The following C17orf67 variants were observed in gnomAD, a reference collection of about 807,000 sequenced individuals.
C17orf67 encodes chromosome 17 open reading frame 67, also known as uncharacterized protein C17orf67.
C17orf67 carries 12 observed loss-of-function variants against 11.2 expected under a neutral mutation model. That is an observed-to-expected ratio of 1.07 (90% CI 0.68 to 1.73). The LOEUF is 1.73. Among genes scored for constraint, C17orf67 ranks in the 40% most tolerant of loss-of-function variants. The probability of loss-of-function intolerance (pLI) is 0.00; values close to 1 mark genes in which losing one functional copy is unlikely to be tolerated. For synonymous variants in C17orf67, 59 were observed against 46.9 expected, an observed-to-expected ratio of 1.26 and a Z score of -1.05; for missense variants, 115 against 113.5, an observed-to-expected ratio of 1.01 and a Z score of -0.06.
chr17:56,817,851 A>G (rs1362400457), intron 4 of C17orf67, among the ~76,000 whole-genome samples: 1 of 85,344 alleles, frequency 1.2e-5, no homozygotes. Flanking sequence ...AAGGAATTTT[A>G]GAGCATTTTT....
intron 7 of C17orf67, among the ~76,000 whole-genome samples, chr17:56,793,669 A>C (rs1905158785): frequency 1.3e-5 from 2 of 152,366 alleles, no homozygotes; most frequent in Non-Finnish European, 1.5e-5. Flanking sequence ...ACAGAGCTGG[A>C]AATCAGAAAG....
intron 6 of C17orf67, among the ~76,000 whole-genome samples, chr17:56,809,722 C>T (rs577153408): frequency 1.4e-5 from 2 of 146,538 alleles, no homozygotes; most frequent in African/African-American, 5.1e-5. Context: ...CTCACACATA[C>T]ACCCTCACAC....
At chr17:56,805,885 T>C (rs576336488) in intron 6 of C17orf67, among the ~76,000 whole-genome samples, 1 of 152,092 alleles carries the variant, frequency 6.6e-6, no homozygotes, top group Non-Finnish European at 1.5e-5. Flanking sequence ...TAGATACTTT[T>C]TTTAAATATA....
chr17:56,823,061 T>C (rs1399241843), intron 4 of C17orf67, among the ~76,000 whole-genome samples: 1 of 152,212 alleles, frequency 6.6e-6, no homozygotes, highest in Admixed American at 6.5e-5. Flanking sequence ...AAAGGAGCAT[T>C]GGCACAGGCA....
At chr17:56,802,831 G>GTT in intron 6 of C17orf67, among the ~76,000 whole-genome samples, 1 of 152,348 alleles carries the variant, frequency 6.6e-6, no homozygotes, top group African/African-American at 2.4e-5. Flanking sequence ...CAAAGCGTGA[G>GTT]CTGTGCTCCC....
At chr17:56,818,020 A>G (rs1252179554) in intron 4 of C17orf67, among the ~76,000 whole-genome samples, 3 of 151,008 alleles carry the variant, frequency 2.0e-5, no homozygotes, top group African/African-American at 7.3e-5. Flanking sequence ...ATTTTTGTAT[A>G]TTTTTGTAGA....
chr17:56,796,093 G>A (rs897381918), intron 6 of C17orf67, among the ~76,000 whole-genome samples: 1 of 152,158 alleles, frequency 6.6e-6, no homozygotes, highest in Non-Finnish European at 1.5e-5. Context: ...AATGTTACTA[G>A]AAATAGAGAA....
At chr17:56,828,206 G>T (rs1906093926) in intron 2 of C17orf67, among the ~76,000 whole-genome samples, 1 of 151,580 alleles carries the variant, frequency 6.6e-6, no homozygotes, top group South Asian at 2.1e-4. Context: ...GGGAGTTCTA[G>T]ACCAGCCTGA....
Position 56,833,236 on chromosome 17 carries a change from C to G in C17orf67, c.-895G>C, listed in dbSNP as rs1241719108. 6.5e-6 allele frequency: 1 copy of G among 153,798 alleles called. No individual in the cohort carries two copies. The highest frequency in any genetic ancestry group is 1.5e-5 in the Non-Finnish European group (1 of 68,654). The allele number at this position is 153,798 out of a possible 1,614,324, so 9.5% of individuals were successfully genotyped here. On this transcript the variant is annotated 5_prime_UTR_variant, in exon 2 of 8. Coordinates refer to ENST00000397861, the MANE Select transcript of C17orf67 (RefSeq NM_001085430.4). Reference sequence around the variant, plus strand: ...AGCGGTGCTTCCGCGTCCGCGTTCTCCGGGTAGCTGATGTGCTGCAGGCTG... The same window carrying G: ...AGCGGTGCTTCCGCGTCCGCGTTCTGCGGGTAGCTGATGTGCTGCAGGCTG...
chr17:56,802,426 TG>T (rs1199166696), intron 6 of C17orf67, among the ~76,000 whole-genome samples: 1 of 152,232 alleles, frequency 6.6e-6, no homozygotes, highest in African/African-American at 2.4e-5. Flanking sequence ...ATCCCTCTCC[TG>T]AAGGCCACAG....
chr17:56,827,653 T>C (rs895605965), intron 2 of C17orf67, among the ~76,000 whole-genome samples: 2 of 152,162 alleles, frequency 1.3e-5, no homozygotes, highest in African/African-American at 4.8e-5. Flanking sequence ...TCTGTGGAGG[T>C]GGACCCTGGA....
chr17:56,809,155 G>T (rs568473139), intron 6 of C17orf67, among the ~76,000 whole-genome samples: 1 of 151,814 alleles, frequency 6.6e-6, no homozygotes, highest in African/African-American at 2.4e-5. Context: ...GTGCAATAGC[G>T]CATCCAAAAC....
chr17:56,821,509 C>T (rs551647871), intron 4 of C17orf67, among the ~76,000 whole-genome samples: 1 of 152,270 alleles, frequency 6.6e-6, no homozygotes, highest in South Asian at 2.1e-4. Context: ...TCTATTGTCA[C>T]CACCCACATC....
rs552350198 is a variant in C17orf67, at chr17:56,818,572, A to C, written c.-200-2562T>G. 3.9e-5 allele frequency among the ~76,000 whole-genome samples: 6 copies of C among 152,304 alleles called. No individual in the cohort carries two copies. In the South Asian group the frequency reaches 1.2e-3, roughly 32 times the overall value. ...TTTTGCAACTTTTGTCTATATCAGC[A>C]CTGTCCGATAAAAACATAAAGCCAC... On this transcript the variant is annotated intron_variant, in intron 4 of 7. Transcript: ENST00000397861.
intron 2 of C17orf67, among the ~76,000 whole-genome samples, chr17:56,831,611 C>T (rs1906204109): frequency 6.6e-6 from 1 of 152,138 alleles, no homozygotes; most frequent in African/African-American, 2.4e-5. Context: ...TGAAATGAGT[C>T]TGCTAGTGAC....
intron 2 of C17orf67, among the ~76,000 whole-genome samples, chr17:56,829,224 T>C (rs888583353): frequency 1.1e-4 from 16 of 152,044 alleles, no homozygotes; most frequent in Admixed American, 2.6e-4. Context: ...TGCAGTGAGC[T>C]GAGATCGCAC....
At chr17:56,824,365 G>A (rs778170147) in intron 4 of C17orf67, among the ~76,000 whole-genome samples, 7 of 152,150 alleles carry the variant, frequency 4.6e-5, no homozygotes, top group African/African-American at 9.7e-5. Context: ...CCAGCCTCCA[G>A]AGCTATGAGC....
intron 4 of C17orf67, among the ~76,000 whole-genome samples, chr17:56,823,789 G>A (rs1181004733): frequency 1.3e-5 from 2 of 152,148 alleles, no homozygotes; most frequent in East Asian, 3.8e-4. Context: ...TTCATAGCTG[G>A]CAAAACTTGG....
intron 2 of C17orf67, among the ~76,000 whole-genome samples, chr17:56,828,179 G>T (rs899345567): frequency 6.6e-5 from 10 of 151,876 alleles, no homozygotes; most frequent in Non-Finnish European, 1.5e-4. Flanking sequence ...GACAGGGTGG[G>T]TGGATCATCT....
Sources: gnomAD v4.1 joint callset for allele counts (sites outside exome capture counted in the v4.1 genomes callset) on GRCh38, gnomAD v4.1.1 for gene constraint, MANE v1.5 for transcripts, NCBI Gene and HGNC (gene_info 2026-07-23, HGNC 2026-07-21) for gene names.